Variants in FBXO8 observed in about 807,000 individuals in gnomAD.
FBXO8 encodes the protein F-box protein 8.
A neutral mutation model predicts 33.4 loss-of-function variants in FBXO8; 15 were observed. The ratio of observed to expected loss-of-function variants is 0.45; its 90% CI spans 0.30 to 0.69. The LOEUF (loss-of-function observed/expected upper bound fraction) is 0.69. Among genes scored for constraint, FBXO8 ranks in the 30% least tolerant of loss-of-function variants. FBXO8 has a pLI of 0.08. For synonymous variants in FBXO8, 132 were observed against 131.5 expected (o/e 1.00, Z -0.02); for missense variants, 274 against 380.3 (o/e 0.72, Z 2.32).
chr4:174,269,298 C>CT (rs1179110382), intron 1 of FBXO8: 1 of 151,278 alleles, frequency 6.6e-6, no homozygotes, highest in Admixed American at 6.6e-5. Flanking sequence ...AGTTGAAACT[C>CT]TTCCTTTCCA....
At chr4:174,280,780 T>G (rs1213823721) in intron 1 of FBXO8, among the ~76,000 whole-genome samples, 1 of 152,328 alleles carries the variant, frequency 6.6e-6, no homozygotes, top group East Asian at 1.9e-4. Flanking sequence ...GAGGTTTTGG[T>G]TCTTTACCAC....
In FBXO8 at chr4:174,271,486, A is replaced by G. The variant is rs1057352982; in HGVS notation, c.-8-8386T>C. On this transcript the variant is annotated intron_variant, in intron 1 of 5. Coordinates refer to ENST00000393674, the MANE Select transcript of FBXO8 (RefSeq NM_012180.3). ...TAAATGAAATAATGTGCATATGTAT[A>G]TGTAACAATGGACCACAACCTCTCC... Among the ~76,000 whole-genome samples, 4 of 152,200 alleles carry G rather than the reference A, an allele frequency of 2.6e-5. 1 individual carries two copies. The highest frequency in any genetic ancestry group is 5.9e-5 in the Non-Finnish European group (4 of 68,036).
In FBXO8 at chr4:174,237,143, C is replaced by A. The variant is rs1469151933; in HGVS notation, c.*269G>T. ...TACACCATCTTTTAGAGTATAATGT[C>A]AGTTTATCATTCGTTAACAGCTGTG... is the stretch of plus-strand genomic sequence containing the variant. On this transcript the variant is annotated 3_prime_UTR_variant, in exon 6 of 6. Transcript: ENST00000393674. The surrounding 1 kb of genome is among the most constrained non-coding windows in gnomAD (Gnocchi z 4.4). 1 of 322,188 alleles carries A rather than the reference C, an allele frequency of 3.1e-6. No individual in the cohort carries two copies. The highest frequency in any genetic ancestry group is 5.7e-6 in the Non-Finnish European group (1 of 174,410). The allele number at this position is 322,188 out of a possible 1,614,324, so 20.0% of individuals were successfully genotyped here.
chr4:174,248,226 TAACAG>T (rs1736202668), intron 3 of FBXO8, among the ~76,000 whole-genome samples: 1 of 152,048 alleles, frequency 6.6e-6, no homozygotes, highest in African/African-American at 2.4e-5. Flanking sequence ...AGCACATACA[TAACAG>T]AAATGTCACA....
rs1345466824 is a variant in FBXO8, at chr4:174,262,462, C to CA, written c.329+301dup. Among the ~76,000 whole-genome samples the CA allele has an allele frequency of 6.6e-6, 1 of 152,222 alleles. No individual in the cohort carries two copies. The highest frequency in any genetic ancestry group is 1.5e-5 in the Non-Finnish European group (1 of 68,034). The stretch of plus-strand genomic sequence containing the variant: ...TTTTAAATTAGAAATTCTCACTCCA[C>CA]AACTTTGCGGTATTTTCAGAATAAA... On this transcript the variant is annotated intron_variant, in intron 2 of 5. Transcript: ENST00000393674. The surrounding 1 kb of genome is among the most constrained non-coding windows in gnomAD (Gnocchi z 4.6).
At chr4:174,248,833 T>G (rs1736223021) in intron 3 of FBXO8, among the ~76,000 whole-genome samples, 2 of 152,022 alleles carry the variant, frequency 1.3e-5, no homozygotes, top group Admixed American at 6.6e-5. Flanking sequence ...AGGACAGAGA[T>G]ATATACACCT....
Position 174,253,782 on chromosome 4 carries a change from G to C in FBXO8, c.456+5917C>G, listed in dbSNP as rs571846485. Among the ~76,000 whole-genome samples, 159 of 152,274 alleles carry C rather than the reference G, an allele frequency of 1.0e-3. No homozygotes were observed. Among genetic ancestry groups the C allele is most frequent in the African/African-American group, 3.6e-3 (151 of 41,562 alleles). On this transcript the variant is annotated intron_variant, in intron 3 of 5. Coordinates refer to ENST00000393674, the MANE Select transcript of FBXO8 (RefSeq NM_012180.3). The surrounding 1 kb of genome is among the most constrained non-coding windows in gnomAD (Gnocchi z 4.5). Reference sequence around the variant, plus strand: ...AGAAATGAGTAGAAGTACGCCAAAGGCTTCTCAAAAAGATTTTTCTCCCTA... The same window carrying C: ...AGAAATGAGTAGAAGTACGCCAAAGCCTTCTCAAAAAGATTTTTCTCCCTA...
chr4:174,256,249 C>A lies in FBXO8; in HGVS notation c.456+3450G>T. 2.4e-6 allele frequency: 1 copy of A among 418,614 alleles called. No homozygotes were observed. The highest frequency in any genetic ancestry group is 1.7e-5 in the South Asian group (1 of 57,550). The allele number at this position is 418,614 out of a possible 1,614,324, so 25.9% of individuals were successfully genotyped here. A position where few individuals can be genotyped will look rare whatever the true frequency, so the allele number is the denominator to read the frequency against. ...AAAGTAGACTTTTTACAATACTAAG[C>A]AATTATATACATCTTATCTCAGGTA... On this transcript the variant is annotated intron_variant, in intron 3 of 5. Coordinates refer to ENST00000393674, the MANE Select transcript of FBXO8 (RefSeq NM_012180.3). The surrounding 1 kb of genome is among the most constrained non-coding windows in gnomAD (Gnocchi z 4.6).
At chr4:174,243,750 G>C (rs975292549) in intron 3 of FBXO8, among the ~76,000 whole-genome samples, 1 of 151,200 alleles carries the variant, frequency 6.6e-6, no homozygotes, top group Non-Finnish European at 1.5e-5. Context: ...ACTCTGAGCA[G>C]TGTGTATGTG....
intron 4 of FBXO8, among the ~76,000 whole-genome samples, chr4:174,240,789 G>C (rs574674573): frequency 6.2e-4 from 94 of 151,542 alleles, no homozygotes; most frequent in Non-Finnish European, 1.2e-3. Flanking sequence ...CTTAGATTAT[G>C]GCTACTTGTC....
chr4:174,282,894 C>T (rs377099725), intron 1 of FBXO8, among the ~76,000 whole-genome samples: 1 of 152,104 alleles, frequency 6.6e-6, no homozygotes, highest in Non-Finnish European at 1.5e-5. Context: ...AGATTAGAAC[C>T]CAGTCGCTGA....
Position 174,238,964 on chromosome 4 carries a change from G to T in FBXO8, c.772+30C>A, listed in dbSNP as rs755093274. ...GTTTTTACCTAAAGATGGGCAGGGG[G>T]TGATGTACTATTAATATATATATTC... On this transcript the variant is annotated intron_variant, in intron 5 of 5. Coordinates refer to ENST00000393674, the MANE Select transcript of FBXO8 (RefSeq NM_012180.3). 3.8e-6 allele frequency: 5 copies of T among 1,313,222 alleles called. No homozygotes were observed. In the African/African-American group the frequency reaches 7.6e-5, roughly 20 times the overall value. 81.3% of individuals were successfully genotyped at this position (1,313,222 alleles called of 1,614,324 possible).
rs887915461 is a variant in FBXO8 at position 174,254,896 on chromosome 4, G to A, written c.456+4803C>T. On this transcript the variant is annotated intron_variant, in intron 3 of 5. Transcript: ENST00000393674. The surrounding 1 kb of genome is among the most constrained non-coding windows in gnomAD (Gnocchi z 4.2). ...TAAAATATTTATTTATACACAGTAG[G>A]ATTACAGATAATCTATACTAGGTTA... Among the ~76,000 whole-genome samples the A allele has an allele frequency of 2.0e-5, 3 of 152,094 alleles. No individual in the cohort carries two copies. The South Asian group carries it at 6.2e-4, about 32-fold the overall frequency.
intron 4 of FBXO8, among the ~76,000 whole-genome samples, chr4:174,240,191 G>C (rs936483840): frequency 3.3e-5 from 5 of 150,020 alleles, no homozygotes; most frequent in African/African-American, 1.2e-4. Flanking sequence ...AAAAACCCCT[G>C]CCTATCCCTA....
At position 174,237,247 on chromosome 4, in the gene FBXO8, G is replaced by A. The variant is rs752224283; in HGVS notation, c.*165C>T. The A allele has an allele frequency of 1.7e-4, 94 of 559,386 alleles. No individual in the cohort carries two copies. The highest frequency in any genetic ancestry group is 4.0e-4 in the South Asian group (10 of 25,172). 34.7% of individuals were successfully genotyped at this position (559,386 alleles called of 1,614,324 possible). Reference sequence around the variant, plus strand: ...TCTGCAAAATTATTTAGTTCCCCAAGGAAATTACTAAAATAGAAAATGGCA... The same window carrying A: ...TCTGCAAAATTATTTAGTTCCCCAAAGAAATTACTAAAATAGAAAATGGCA... On this transcript the variant is annotated 3_prime_UTR_variant, in exon 6 of 6. Transcript: ENST00000393674. The surrounding 1 kb of genome is among the most constrained non-coding windows in gnomAD (Gnocchi z 4.4).
In FBXO8 at chr4:174,262,453, C is replaced by A. The variant is rs1736584949; in HGVS notation, c.329+311G>T. The stretch of plus-strand genomic sequence containing the variant: ...CACTCCAACTTTTAAATTAGAAATT[C>A]TCACTCCACAACTTTGCGGTATTTT... On this transcript the variant is annotated intron_variant, in intron 2 of 5. Coordinates refer to ENST00000393674, the MANE Select transcript of FBXO8 (RefSeq NM_012180.3). The surrounding 1 kb of genome is among the most constrained non-coding windows in gnomAD (Gnocchi z 4.6). 6.6e-6 allele frequency among the ~76,000 whole-genome samples: 1 copy of A among 152,064 alleles called. No homozygotes were observed. The highest frequency in any genetic ancestry group is 1.5e-5 in the Non-Finnish European group (1 of 67,964).
At chr4:174,243,515 G>A (rs1264578311) in intron 3 of FBXO8, among the ~76,000 whole-genome samples, 3 of 142,400 alleles carry the variant, frequency 2.1e-5, no homozygotes, top group East Asian at 2.4e-4. Context: ...AGGTTGGTGC[G>A]AAAGTGATTG....
rs1209703656 is a variant in FBXO8, at chr4:174,238,750, C to T, written c.772+244G>A. Among the ~76,000 whole-genome samples, 4 of 133,836 alleles carry T rather than the reference C, an allele frequency of 3.0e-5. No homozygotes were observed. The East Asian group carries it at 9.1e-4, about 31-fold the overall frequency. The allele number at this position is 133,836 out of a possible 152,430, so 87.8% of individuals were successfully genotyped here. A position where few individuals can be genotyped will look rare whatever the true frequency, so the allele number is the denominator to read the frequency against. ...TAAAAAATATAAATGGCTATATATA[C>T]ATAGCCATGTATATATATATATACA... is the stretch of plus-strand genomic sequence containing the variant. On this transcript the variant is annotated intron_variant, in intron 5 of 5. Transcript: ENST00000393674.
rs76701710 is a variant in FBXO8 at position 174,254,831 on chromosome 4, C to T, written c.456+4868G>A. Among the ~76,000 whole-genome samples, 496 of 152,238 alleles carry T rather than the reference C, an allele frequency of 3.3e-3. 3 individuals carry two copies. The highest frequency in any genetic ancestry group is 0.011 in the African/African-American group (469 of 41,546). On this transcript the variant is annotated intron_variant, in intron 3 of 5. Coordinates refer to ENST00000393674, the MANE Select transcript of FBXO8 (RefSeq NM_012180.3). This position sits in a 1 kb window ranked among gnomAD's most constrained non-coding sequence, Gnocchi z 4.2. ...ACTTTGATAAGAGAGAAGATTACAT[C>T]AGATAACTGCAAGTGAACAACAGGG...
Sources: gnomAD v4.1 joint callset for allele counts (sites outside exome capture counted in the v4.1 genomes callset) on GRCh38, gnomAD v4.1.1 for gene constraint, Gnocchi (gnomAD v3.1) non-coding constraint, MANE v1.5 for transcripts, NCBI Gene and HGNC (gene_info 2026-07-23, HGNC 2026-07-21) for gene names.